The following PPP6R2 variants were observed in gnomAD, a reference collection of about 807,000 sequenced individuals.
The protein encoded by PPP6R2 is protein phosphatase 6 regulatory subunit 2.
PPP6R2 carries 62 observed loss-of-function variants against 100.2 expected under a neutral mutation model. The ratio of observed to expected loss-of-function variants is 0.62; its 90% CI spans 0.50 to 0.76. The LOEUF (loss-of-function observed/expected upper bound fraction) is 0.76. PPP6R2 is among the 30% of genes least tolerant of loss of function. The pLI, the probability that PPP6R2 is intolerant of heterozygous loss-of-function variation, is 0.00. For missense variants in PPP6R2, 1,142 were observed against 1,276.3 expected (o/e 0.89, Z 1.60); for synonymous variants, 525 against 514.7 (o/e 1.02, Z -0.27).
At chr22:50,402,992 C>A (rs1398192498) in intron 3 of PPP6R2, among the ~76,000 whole-genome samples, 2 of 152,134 alleles carry the variant, frequency 1.3e-5, no homozygotes, top group Middle Eastern at 3.2e-3. Flanking sequence ...GCAGGCAGAT[C>A]ACTTGAAGTC....
chr22:50,348,260 G>C (rs143923989), intron 1 of PPP6R2, among the ~76,000 whole-genome samples: 6 of 152,260 alleles, frequency 3.9e-5, no homozygotes, highest in Admixed American at 3.3e-4. Context: ...TTGAGTTGGA[G>C]AGTGCCATGA....
intron 10 of PPP6R2, among the ~76,000 whole-genome samples, chr22:50,426,124 T>A (rs1319628285): frequency 6.6e-6 from 1 of 152,074 alleles, no homozygotes; most frequent in Non-Finnish European, 1.5e-5. Flanking sequence ...AGCTAATTTT[T>A]ATATTTTTTG....
At chr22:50,387,072 A>T (rs1323972173) in intron 2 of PPP6R2, among the ~76,000 whole-genome samples, 1 of 152,000 alleles carries the variant, frequency 6.6e-6, no homozygotes, top group Non-Finnish European at 1.5e-5. Flanking sequence ...TCATTTATTT[A>T]TTTTTTGAGA....
At chr22:50,443,774 T>C in intron 22 of PPP6R2, 92 bp from the exon 23 acceptor site, 1 of 1,469,646 alleles carries the variant, frequency 6.8e-7, no homozygotes. Flanking sequence ...CCAGGCCGCC[T>C]GGACCTTTTT....
intron 2 of PPP6R2, among the ~76,000 whole-genome samples, chr22:50,381,387 AT>A (rs1328674865): frequency 2.4e-5 from 2 of 84,830 alleles, no homozygotes; most frequent in African/African-American, 6.1e-5. Context: ...CCACCTCAGC[AT>A]CACACGGGCC....
chr22:50,405,857 A>G (rs2058821735), intron 3 of PPP6R2, among the ~76,000 whole-genome samples: 1 of 131,802 alleles, frequency 7.6e-6, no homozygotes, highest in Non-Finnish European at 1.6e-5. Context: ...GGGAGGTGAG[A>G]GGCCTGGAGA....
At chr22:50,412,337 A>G (rs2059867871) in intron 4 of PPP6R2, among the ~76,000 whole-genome samples, 4 of 150,390 alleles carry the variant, frequency 2.7e-5, no homozygotes, top group Admixed American at 1.3e-4. Context: ...GATTACAGCC[A>G]CCCACCACCA....
chr22:50,349,441 G>A (rs1253095158), intron 1 of PPP6R2, among the ~76,000 whole-genome samples: 1 of 151,778 alleles, frequency 6.6e-6, no homozygotes, highest in Non-Finnish European at 1.5e-5. Context: ...GGCTGAGGCG[G>A]GAGGATCACT....
At chr22:50,373,068 G>A (rs1257804091) in intron 2 of PPP6R2, among the ~76,000 whole-genome samples, 1 of 152,070 alleles carries the variant, frequency 6.6e-6, no homozygotes, top group Non-Finnish European at 1.5e-5. Flanking sequence ...CAGGGAACAT[G>A]TGAGATACAG....
intron 3 of PPP6R2, among the ~76,000 whole-genome samples, chr22:50,395,425 G>A (rs1272497763): frequency 6.6e-6 from 1 of 152,152 alleles, no homozygotes; most frequent in South Asian, 2.1e-4. Context: ...GCAGATCTGC[G>A]AGGCACACAT....
chr22:50,339,837 G>C (rs1601853780), upstream of PPP6R2, among the ~76,000 whole-genome samples: 2 of 38,776 alleles, frequency 5.2e-5, no homozygotes, highest in South Asian at 1.7e-3. Flanking sequence ...TAGTGTGTGT[G>C]GTGTGTGGTG....
At chr22:50,383,185 T>C (rs1410997932) in intron 2 of PPP6R2, among the ~76,000 whole-genome samples, 5 of 152,080 alleles carry the variant, frequency 3.3e-5, no homozygotes, top group African/African-American at 1.2e-4. Context: ...ATACTCAAGG[T>C]GTGATTGAAG....
chr22:50,360,155 C>T (rs1432970648), intron 1 of PPP6R2, among the ~76,000 whole-genome samples: 2 of 151,138 alleles, frequency 1.3e-5, no homozygotes, highest in African/African-American at 2.4e-5. Flanking sequence ...TGGGTTCAAG[C>T]GATTCTCCTG....
intron 10 of PPP6R2, among the ~76,000 whole-genome samples, chr22:50,427,644 C>T (rs1240143554): frequency 6.6e-6 from 1 of 152,116 alleles, no homozygotes; most frequent in Non-Finnish European, 1.5e-5. Context: ...CCTTTGCCTC[C>T]CGGGTTCAAA....
intron 1 of PPP6R2, among the ~76,000 whole-genome samples, chr22:50,355,411 TGTATTTTTA>T (rs1288011996): frequency 6.6e-6 from 1 of 151,542 alleles, no homozygotes; most frequent in African/African-American, 2.4e-5. Context: ...GCTAATTTTT[TGTATTTTTA>T]GTAGAGAAGG....
intron 22 of PPP6R2, chr22:50,443,325 T>G (rs948720542): frequency 1.3e-5 from 2 of 152,584 alleles, no homozygotes; most frequent in Non-Finnish European, 2.9e-5. Flanking sequence ...AGCCTGCAGG[T>G]GAGCTTCCTC....
At chr22:50,404,092 T>A (rs1228679220) in intron 3 of PPP6R2, among the ~76,000 whole-genome samples, 2 of 90,320 alleles carry the variant, frequency 2.2e-5, no homozygotes, top group East Asian at 8.8e-4. Flanking sequence ...ACATTCTATT[T>A]TTTTTTTTTT....
At chr22:50,440,789 C>G in intron 21 of PPP6R2, 33 bp from the exon 22 acceptor site, 1 of 1,608,086 alleles carries the variant, frequency 6.2e-7, no homozygotes, top group East Asian at 2.2e-5. Context: ...CCCCTCCTGC[C>G]TCACTGGACA....
chr22:50,341,127 G>C (rs926454957), upstream of PPP6R2, among the ~76,000 whole-genome samples: 18 of 151,724 alleles, frequency 1.2e-4, no homozygotes, highest in Admixed American at 1.1e-3. Context: ...GGCCAGGCTG[G>C]TCTCGATCTC....
Sources: gnomAD v4.1 joint callset for allele counts (sites outside exome capture counted in the v4.1 genomes callset) on GRCh38, gnomAD v4.1.1 for gene constraint, MANE v1.5 for transcripts, NCBI Gene and HGNC (gene_info 2026-07-23, HGNC 2026-07-21) for gene names.